HECW2: variants seen among roughly 807,000 people sequenced by gnomAD.
The protein encoded by HECW2 is HECT, C2 and WW domain containing E3 ubiquitin protein ligase 2.
A neutral mutation model predicts 175.2 loss-of-function variants in HECW2; 61 were observed. That is an observed-to-expected ratio of 0.35 (90% CI 0.28 to 0.43). The LOEUF is 0.43. Among genes scored for constraint, HECW2 ranks in the 20% least tolerant of loss-of-function variants. HECW2 has a pLI of 1.00. For synonymous variants in HECW2, 671 were observed against 731.0 expected, an observed-to-expected ratio of 0.92 and a Z score of 1.32; for missense variants, 1,524 against 2,000.5, an observed-to-expected ratio of 0.76 and a Z score of 4.54.
At chr2:196,290,826 T>C (rs1690576909) in intron 14 of HECW2, 2 of 152,192 alleles carry the variant, frequency 1.3e-5, no homozygotes, top group South Asian at 4.1e-4. Flanking sequence ...AAGGCTTCTC[T>C]GTCACGCCCA....
At chr2:196,355,319 T>C (rs1417403305) in intron 2 of HECW2, among the ~76,000 whole-genome samples, 1 of 152,224 alleles carries the variant, frequency 6.6e-6, no homozygotes, top group Non-Finnish European at 1.5e-5. Context: ...TTATGCTTTA[T>C]AATGAAAATG....
intron 1 of HECW2, among the ~76,000 whole-genome samples, chr2:196,565,001 G>C (rs2125504714): frequency 6.7e-6 from 1 of 148,866 alleles, no homozygotes; most frequent in Non-Finnish European, 1.5e-5. Flanking sequence ...TCTTCACAGA[G>C]ATAGTTAAAC....
At position 196,561,252 on chromosome 2, in the gene HECW2, G is replaced by A. The variant is rs576601244; in HGVS notation, c.-36+32256C>T. 2.3e-4 allele frequency among the ~76,000 whole-genome samples: 35 copies of A among 152,326 alleles called. No individual in the cohort carries two copies. The South Asian group carries it at 6.0e-3, about 26-fold the overall frequency. ...CAGCTGCAGATAAGGGATAAAACAC[G>A]CCCTGGCCTCCTGCAGTGCCGCCAG... On this transcript the variant is annotated intron_variant, in intron 1 of 28. Coordinates refer to ENST00000644978, the MANE Select transcript of HECW2 (RefSeq NM_001348768.2).
At chr2:196,324,770 T>C (rs1444917335) in intron 6 of HECW2, among the ~76,000 whole-genome samples, 1 of 152,168 alleles carries the variant, frequency 6.6e-6, no homozygotes, top group African/African-American at 2.4e-5. Flanking sequence ...GGAGGCTCCT[T>C]AAATTGTTCC....
chr2:196,522,048 G>T (rs921577185), intron 1 of HECW2, among the ~76,000 whole-genome samples: 3 of 152,192 alleles, frequency 2.0e-5, no homozygotes, highest in Non-Finnish European at 2.9e-5. Flanking sequence ...GATCCCTGAG[G>T]AATAACCACA....
chr2:196,544,612 T>C (rs751549190), intron 1 of HECW2, among the ~76,000 whole-genome samples: 1 of 152,134 alleles, frequency 6.6e-6, no homozygotes, highest in Non-Finnish European at 1.5e-5. Flanking sequence ...CATAGCACGA[T>C]GTAGGAATGG....
intron 10 of HECW2, among the ~76,000 whole-genome samples, chr2:196,310,711 GC>G (rs1324975265): frequency 6.6e-6 from 1 of 151,606 alleles, no homozygotes; most frequent in East Asian, 1.9e-4. Flanking sequence ...TCCTTGTCTT[GC>G]CACATTGTCA....
At chr2:196,278,697 C>T (rs745851975) in intron 14 of HECW2, 35 bp from the exon 15 acceptor site, 5 of 1,611,750 alleles carry the variant, frequency 3.1e-6, no homozygotes, top group Non-Finnish European at 4.2e-6. Context: ...ATACATGCCG[C>T]TCACATGTCT....
chr2:196,345,225 C>A (rs755693174), intron 2 of HECW2, among the ~76,000 whole-genome samples: 1 of 152,186 alleles, frequency 6.6e-6, no homozygotes, highest in African/African-American at 2.4e-5. Flanking sequence ...AGATGGTACT[C>A]GGGCAATCAC....
At chr2:196,294,208 CAT>C (rs749613007) in intron 13 of HECW2, among the ~76,000 whole-genome samples, 9 of 152,168 alleles carry the variant, frequency 5.9e-5, no homozygotes, top group Non-Finnish European at 7.3e-5. Context: ...TGATTGTCCA[CAT>C]ATGAGTCAGT....
chr2:196,442,627 T>A (rs1696073123), intron 1 of HECW2, among the ~76,000 whole-genome samples: 1 of 152,236 alleles, frequency 6.6e-6, no homozygotes, highest in Non-Finnish European at 1.5e-5. Context: ...ATTAAAAACA[T>A]ATTTTTAAGA....
chr2:196,506,492 C>T (rs1013637321), intron 1 of HECW2, among the ~76,000 whole-genome samples: 3 of 152,016 alleles, frequency 2.0e-5, no homozygotes, highest in Non-Finnish European at 2.9e-5. Context: ...CTGGTATACA[C>T]AGGGTTCTTC....
intron 2 of HECW2, among the ~76,000 whole-genome samples, chr2:196,394,444 G>A (rs1037069393): frequency 1.3e-5 from 2 of 152,146 alleles, no homozygotes; most frequent in Admixed American, 1.3e-4. Context: ...AAAATCTCAT[G>A]TTTTAAAATA....
intron 19 of HECW2, among the ~76,000 whole-genome samples, chr2:196,249,479 C>T (rs755472244): frequency 3.1e-4 from 47 of 152,104 alleles, no homozygotes; most frequent in Non-Finnish European, 5.7e-4. Flanking sequence ...GGAAAGTTTA[C>T]CAGGTTCCTA....
At chr2:196,537,389 G>A (rs10439321) in intron 1 of HECW2, among the ~76,000 whole-genome samples, 1 of 152,002 alleles carries the variant, frequency 6.6e-6, no homozygotes, top group Non-Finnish European at 1.5e-5. Context: ...CCAGAGACCG[G>A]CGAGCTACAT....
intron 1 of HECW2, among the ~76,000 whole-genome samples, chr2:196,592,271 A>T (rs960695592): frequency 6.6e-6 from 1 of 152,158 alleles, no homozygotes; most frequent in East Asian, 1.9e-4. Flanking sequence ...ATGATCACAA[A>T]TGTTTTCCTT....
intron 2 of HECW2, among the ~76,000 whole-genome samples, chr2:196,395,153 A>T (rs1019428965): frequency 6.6e-6 from 1 of 152,220 alleles, no homozygotes; most frequent in Non-Finnish European, 1.5e-5. Flanking sequence ...TTTTGGGAAG[A>T]AACAAAGATT....
intron 28 of HECW2, among the ~76,000 whole-genome samples, chr2:196,211,791 A>G (rs1041940468): frequency 1.3e-5 from 2 of 152,088 alleles, no homozygotes; most frequent in Non-Finnish European, 2.9e-5. Context: ...CCAACCCTCC[A>G]GGGCAGAAAC....
intron 1 of HECW2, among the ~76,000 whole-genome samples, chr2:196,473,903 A>G (rs2125357446): frequency 6.6e-6 from 1 of 152,366 alleles, no homozygotes; most frequent in Non-Finnish European, 1.5e-5. Context: ...GGACATATTT[A>G]GAAAATGGCA....
Sources: allele counts gnomAD v4.1 joint callset (sites outside exome capture counted in the v4.1 genomes callset), GRCh38; gene constraint gnomAD v4.1.1; transcripts MANE v1.5; gene names NCBI Gene and HGNC (gene_info 2026-07-23, HGNC 2026-07-21).